SENP2: variants seen among roughly 807,000 people sequenced by gnomAD.
The protein encoded by SENP2 is SUMO specific peptidase 2.
In SENP2, 16 loss-of-function variants were observed where a neutral mutation model predicts 86.3. The ratio of observed to expected loss-of-function variants is 0.19; its 90% CI spans 0.13 to 0.28. SENP2 has a LOEUF of 0.28. Ranked by LOEUF, SENP2 falls within the 10% of genes least tolerant of loss-of-function variation. The probability of loss-of-function intolerance (pLI) is 1.00; values close to 1 mark genes in which losing one functional copy is unlikely to be tolerated. For missense variants in SENP2, 552 were observed against 703.0 expected (o/e 0.79, Z 2.43); for synonymous variants, 222 against 238.7 (o/e 0.93, Z 0.64).
intron 2 of SENP2, among the ~76,000 whole-genome samples, chr3:185,592,744 G>T (rs1722048732): frequency 6.6e-6 from 1 of 151,768 alleles, no homozygotes; most frequent in Admixed American, 6.6e-5. Flanking sequence ...AGCTTCCCAA[G>T]TAGCTGGGAC....
At chr3:185,601,335 G>A (rs561125505) in intron 5 of SENP2, among the ~76,000 whole-genome samples, 5 of 152,066 alleles carry the variant, frequency 3.3e-5, no homozygotes, top group South Asian at 2.1e-4. Context: ...ATGAGCCACC[G>A]CACCTGGCCT....
intron 13 of SENP2, among the ~76,000 whole-genome samples, chr3:185,621,194 G>A (rs1470739809): frequency 3.6e-3 from 164 of 46,184 alleles, no homozygotes; most frequent in South Asian, 5.9e-3. Context: ...GAGAAAGAAA[G>A]AAAAGAAGGA....
intron 4 of SENP2, among the ~76,000 whole-genome samples, chr3:185,600,261 G>C (rs148090383): frequency 6.6e-6 from 1 of 152,278 alleles, no homozygotes; most frequent in African/African-American, 2.4e-5. Flanking sequence ...CTGTGTTTCT[G>C]TGAGTTTTGT....
intron 14 of SENP2, among the ~76,000 whole-genome samples, chr3:185,622,248 A>G (rs1431674785): frequency 6.6e-6 from 1 of 152,160 alleles, no homozygotes; most frequent in Non-Finnish European, 1.5e-5. Flanking sequence ...TTGTATCTTT[A>G]TGCTTTCCAT....
intron 2 of SENP2, among the ~76,000 whole-genome samples, chr3:185,591,479 G>A (rs1721995737): frequency 6.6e-6 from 1 of 151,458 alleles, no homozygotes; most frequent in Non-Finnish European, 1.5e-5. Context: ...AGCCTCCTGA[G>A]TAGCTGGGAC....
In SENP2 at chr3:185,614,721, A is replaced by G. The variant is rs762464752; in HGVS notation, c.1091A>G (p.Asp364Gly). The stretch of plus-strand genomic sequence containing the variant: ...AAAGAGAGGGACAGAAGAACGGACG[A>G]TCTCCTTGAACTTACAGAGGTATTG... Reference protein sequence around the residue: ...SGKERDRRTDDLLELTEDMEK... With the variant: ...SGKERDRRTDGLLELTEDMEK... Residue 364 changes from aspartate (D) to glycine (G), a missense_variant, in exon 11 of 17, where the codon GAT becomes GGT. This residue lies in a region of SENP2 where 169 missense variants were observed against 275.7 expected (regional missense o/e 0.61). Transcript: ENST00000296257. 1.2e-6 allele frequency: 2 copies of G among 1,614,136 alleles called. No homozygotes were observed. Among genetic ancestry groups the G allele is most frequent in the Admixed American group, 1.7e-5 (1 of 60,002 alleles).
At chr3:185,625,886 T>C (rs547255366) in intron 15 of SENP2, among the ~76,000 whole-genome samples, 4 of 152,226 alleles carry the variant, frequency 2.6e-5, no homozygotes, top group Admixed American at 6.5e-5. Context: ...TTTCTTGGAA[T>C]GGGAGCTGAG....
In SENP2 at chr3:185,611,728, A is replaced by C; in HGVS notation, c.800A>C (p.Gln267Pro). 6.2e-7 allele frequency: 1 copy of C among 1,612,782 alleles called. No individual in the cohort carries two copies. Among genetic ancestry groups the C allele is most frequent in the Non-Finnish European group, 8.5e-7 (1 of 1,179,224 alleles). ...EEQNHGVKTT[Q>P]FVPKQYRLVE... ...CAAAATCACGGAGTCAAAACAACTCAGTTTGTTCCAAAACAATGTGAGTTC... is the reference window on the plus strand; with the variant it reads ...CAAAATCACGGAGTCAAAACAACTCCGTTTGTTCCAAAACAATGTGAGTTC... Residue 267 changes from glutamine (Q) to proline (P), a missense_variant, in exon 8 of 17, where the codon CAG (glutamine) becomes CCG (proline). By Grantham distance (76) the Gln-to-Pro change is moderately conservative. This residue lies in a region of SENP2 where 383 missense variants were observed against 427.3 expected (regional missense o/e 0.90). Transcript: ENST00000296257.
At chr3:185,604,450 T>C (rs1337176932) in intron 5 of SENP2, among the ~76,000 whole-genome samples, 1 of 152,244 alleles carries the variant, frequency 6.6e-6, no homozygotes, top group African/African-American at 2.4e-5. Context: ...TGGTTGATAA[T>C]ATTTTACAGG....
chr3:185,587,508 C>T (rs1324043143), intron 1 of SENP2, among the ~76,000 whole-genome samples: 2 of 151,464 alleles, frequency 1.3e-5, no homozygotes, highest in Non-Finnish European at 2.9e-5. Flanking sequence ...ACCTAAAAAT[C>T]TGGAAAATAA....
At chr3:185,623,060 G>A (rs182921058) in intron 14 of SENP2, among the ~76,000 whole-genome samples, 27 of 151,016 alleles carry the variant, frequency 1.8e-4, no homozygotes, top group Admixed American at 5.9e-4. Context: ...CAGGTGATCC[G>A]CCCGCCCCAG....
At chr3:185,590,264 G>T in intron 2 of SENP2, 95 bp downstream of exon 2, 1 of 606,534 alleles carries the variant, frequency 1.6e-6, no homozygotes, top group Admixed American at 3.5e-5. Flanking sequence ...CTGGTAAAAA[G>T]TAAGTCTTGG....
At chr3:185,600,932 T>C (rs1722323143) in intron 5 of SENP2, 77 bp downstream of exon 5, 3 of 994,724 alleles carry the variant, frequency 3.0e-6, no homozygotes, top group Non-Finnish European at 4.8e-6. Context: ...GTCTCACTTT[T>C]GTTGTATTAT....
At chr3:185,607,035 G>A (rs923502475) in intron 6 of SENP2, among the ~76,000 whole-genome samples, 5 of 149,866 alleles carry the variant, frequency 3.3e-5, no homozygotes, top group African/African-American at 9.8e-5. Context: ...ATGCTGGAGT[G>A]CAGTGGTGCC....
Position 185,586,660 on chromosome 3 carries a change from A to C in SENP2, c.101+146A>C. On this transcript the variant is annotated intron_variant, in intron 1 of 16. Coordinates refer to ENST00000296257, the MANE Select transcript of SENP2 (RefSeq NM_021627.3). This position sits in a 1 kb window ranked among gnomAD's most constrained non-coding sequence, Gnocchi z 4.3. Reference sequence around the variant, plus strand: ...GACGTAGTCGCTCCCGCCAGGCTGTAGGGAGGCAGCTCCTGATGAAGGAGG... The same window carrying C: ...GACGTAGTCGCTCCCGCCAGGCTGTCGGGAGGCAGCTCCTGATGAAGGAGG... 1 of 715,776 alleles carries C rather than the reference A, an allele frequency of 1.4e-6. No individual in the cohort carries two copies. The highest frequency in any genetic ancestry group is 1.7e-5 in the South Asian group (1 of 58,614). The allele number at this position is 715,776 out of a possible 1,614,324, so 44.3% of individuals were successfully genotyped here.
intron 15 of SENP2, 24 bp downstream of exon 15, chr3:185,624,106 G>A (rs1022300119): frequency 3.3e-6 from 5 of 1,538,376 alleles, no homozygotes; most frequent in Non-Finnish European, 4.5e-6. Flanking sequence ...ATCTACATGT[G>A]ACATACTTGG....
chr3:185,593,901 G>C (rs1722090799), intron 2 of SENP2, among the ~76,000 whole-genome samples: 1 of 151,604 alleles, frequency 6.6e-6, no homozygotes, highest in Non-Finnish European at 1.5e-5. Context: ...GCTAATTTTT[G>C]TGTTTTTAAT....
At chr3:185,626,596 A>G (rs1712156926) in intron 16 of SENP2, among the ~76,000 whole-genome samples, 1 of 151,108 alleles carries the variant, frequency 6.6e-6, no homozygotes. Context: ...AACATGGTGA[A>G]ACCCCATCTC....
At chr3:185,620,537 G>A (rs1462725293) in intron 13 of SENP2, among the ~76,000 whole-genome samples, 1 of 151,984 alleles carries the variant, frequency 6.6e-6, no homozygotes, top group East Asian at 1.9e-4. Context: ...CCGCCTCCTG[G>A]GTTCAAGCAA....
Sources: gnomAD v4.1 joint callset for allele counts (sites outside exome capture counted in the v4.1 genomes callset) on GRCh38, gnomAD v4.1.1 for gene constraint, gnomAD v4.1.1 regional missense constraint, Gnocchi (gnomAD v3.1) non-coding constraint, MANE v1.5 for transcripts, NCBI Gene and HGNC (gene_info 2026-07-23, HGNC 2026-07-21) for gene names.